The following CCDC88C variants were observed in gnomAD, a reference collection of about 807,000 sequenced individuals.
The protein encoded by CCDC88C is protein Daple.
In CCDC88C, 131 loss-of-function variants were observed where a neutral mutation model predicts 198.8. The observed-to-expected ratio is 0.66, with a 90% CI of 0.57 to 0.76. The LOEUF (loss-of-function observed/expected upper bound fraction) is 0.76. Ranked by LOEUF, CCDC88C falls within the 30% of genes least tolerant of loss-of-function variation. The pLI is 0.00. For missense variants in CCDC88C, 2,553 were observed against 2,631.6 expected (o/e 0.97, Z 0.65); for synonymous variants, 1,166 against 1,114.7 (o/e 1.05, Z -0.92).
chr14:91,362,816 C>T (rs1894369665), intron 3 of CCDC88C, among the ~76,000 whole-genome samples: 1 of 151,828 alleles, frequency 6.6e-6, no homozygotes, highest in African/African-American at 2.4e-5. Context: ...GTAGTCCCAG[C>T]TACTCAGGAG....
chr14:91,357,935 C>T (rs1461088397), intron 4 of CCDC88C, among the ~76,000 whole-genome samples: 2 of 152,208 alleles, frequency 1.3e-5, no homozygotes, highest in East Asian at 1.9e-4. Context: ...TGGGGGAGGG[C>T]GCTTGCTGCC....
At chr14:91,396,818 G>A (rs1885871054) in intron 3 of CCDC88C, among the ~76,000 whole-genome samples, 2 of 152,054 alleles carry the variant, frequency 1.3e-5, no homozygotes, top group South Asian at 2.1e-4. Context: ...AACACAGGGA[G>A]ACTCTGTCTC....
chr14:91,297,949 T>G (rs1891086798), intron 21 of CCDC88C, among the ~76,000 whole-genome samples: 1 of 152,224 alleles, frequency 6.6e-6, no homozygotes, highest in South Asian at 2.1e-4. Flanking sequence ...CCCTTTCTAA[T>G]TTCAGCTCGT....
At chr14:91,406,602 T>C (rs192556655) in intron 3 of CCDC88C, among the ~76,000 whole-genome samples, 133 of 152,366 alleles carry the variant, frequency 8.7e-4, no homozygotes, top group Non-Finnish European at 1.3e-3. Context: ...TCTTGAACTT[T>C]CAGCACTATG....
At chr14:91,368,923 G>C (rs141226442) in intron 3 of CCDC88C, among the ~76,000 whole-genome samples, 2 of 152,152 alleles carry the variant, frequency 1.3e-5, no homozygotes, top group African/African-American at 4.8e-5. Context: ...CTCAGGCCCC[G>C]TTACCAGAAA....
chr14:91,356,815 T>C (rs573463140), intron 4 of CCDC88C, among the ~76,000 whole-genome samples: 1 of 151,962 alleles, frequency 6.6e-6, no homozygotes, highest in South Asian at 2.1e-4. Context: ...AGGTGCCTGA[T>C]GGTAGTGGGG....
chr14:91,325,072 C>A lies in CCDC88C; in HGVS notation c.1198-149G>T, dbSNP rs1596072581. The A allele has an allele frequency of 7.6e-6, 8 of 1,050,512 alleles. No individual in the cohort carries two copies. Among genetic ancestry groups the A allele is most frequent in the South Asian group, 4.6e-5 (3 of 65,218 alleles). 65.1% of individuals were successfully genotyped at this position (1,050,512 alleles called of 1,614,324 possible). On this transcript the variant is annotated intron_variant, in intron 11 of 29. Coordinates refer to ENST00000389857, the MANE Select transcript of CCDC88C (RefSeq NM_001080414.4). This position sits in a 1 kb window ranked among gnomAD's most constrained non-coding sequence, Gnocchi z 4.1. ...ATAAACAGAGCTGCACAGAAACATC[C>A]CAACACAGGGCCCTGCTATGAGAGG...
chr14:91,293,567 GGCCCACCTTCCTGTCCCCTCGCC>G (rs1890854082), intron 23 of CCDC88C, among the ~76,000 whole-genome samples: 3 of 16,112 alleles, frequency 1.9e-4, no homozygotes, highest in South Asian at 2.1e-3. Context: ...CGCCTGCCAC[GGCCCACCTTCCTGTCCCCTCGCC>G]TGCCATGGCC....
At chr14:91,293,757 G>T (rs935528726) in intron 23 of CCDC88C, among the ~76,000 whole-genome samples, 10 of 152,112 alleles carry the variant, frequency 6.6e-5, no homozygotes, top group Admixed American at 6.5e-5. Flanking sequence ...TGGCTACCAG[G>T]GAACTGGTTC....
chr14:91,392,404 G>A (rs1885560277), intron 3 of CCDC88C, among the ~76,000 whole-genome samples: 1 of 152,122 alleles, frequency 6.6e-6, no homozygotes, highest in Non-Finnish European at 1.5e-5. Flanking sequence ...AGCAGGGAAG[G>A]ACACCTTAAT....
At chr14:91,412,103 C>T (rs1191820419) in intron 2 of CCDC88C, among the ~76,000 whole-genome samples, 1 of 152,014 alleles carries the variant, frequency 6.6e-6, no homozygotes, top group Admixed American at 6.6e-5. Context: ...CCAAAAACTT[C>T]CTAAATTTAA....
intron 21 of CCDC88C, among the ~76,000 whole-genome samples, chr14:91,299,034 G>A (rs980360606): frequency 1.3e-5 from 2 of 152,170 alleles, no homozygotes; most frequent in African/African-American, 4.8e-5. Flanking sequence ...ATTCTATAAA[G>A]TTGCTGTAAA....
intron 13 of CCDC88C, among the ~76,000 whole-genome samples, chr14:91,317,368 C>T (rs1892146873): frequency 6.6e-6 from 1 of 152,184 alleles, no homozygotes; most frequent in African/African-American, 2.4e-5. Flanking sequence ...GGCTTGCTTA[C>T]TGACTAGGAA....
chr14:91,320,466 C>A (rs1465077903), intron 13 of CCDC88C, among the ~76,000 whole-genome samples: 5 of 152,214 alleles, frequency 3.3e-5, no homozygotes, highest in Non-Finnish European at 7.3e-5. Context: ...ATCTGTTCTG[C>A]CTGTGCGTTG....
At chr14:91,317,092 T>TA (rs1892137385) in intron 13 of CCDC88C, among the ~76,000 whole-genome samples, 1 of 152,238 alleles carries the variant, frequency 6.6e-6, no homozygotes, top group Non-Finnish European at 1.5e-5. Context: ...CCTCTTCCTC[T>TA]AAAAATAAGG....
chr14:91,358,232 A>G (rs1894131973), intron 4 of CCDC88C, among the ~76,000 whole-genome samples: 1 of 152,236 alleles, frequency 6.6e-6, no homozygotes, highest in African/African-American at 2.4e-5. Context: ...TCTCAAGGCC[A>G]CTAGCTACTG....
intron 3 of CCDC88C, among the ~76,000 whole-genome samples, chr14:91,372,507 T>C (rs1439774611): frequency 1.6e-5 from 1 of 62,632 alleles, no homozygotes; most frequent in South Asian, 5.6e-4. Context: ...GCAGGTGACA[T>C]CCAGGTAGAT....
In CCDC88C at chr14:91,394,957, C is replaced by T. The variant is rs147677064; in HGVS notation, c.270+13702G>A. The stretch of plus-strand genomic sequence containing the variant: ...GCCTGCCTGCCACCCCTCTGCCAGA[C>T]GGGTGGGCATCCTCCCCTCCCACCC... On this transcript the variant is annotated intron_variant, in intron 3 of 29. Transcript: ENST00000389857. Among the ~76,000 whole-genome samples, 83 of 152,272 alleles carry T rather than the reference C, an allele frequency of 5.5e-4. No individual in the cohort carries two copies. In the East Asian group the frequency reaches 9.1e-3, roughly 17 times the overall value.
rs1887085663 is a variant in CCDC88C at position 91,416,844 on chromosome 14, G to A, written c.61-6C>T. 6.2e-7 allele frequency: 1 copy of A among 1,605,452 alleles called. No homozygotes were observed. Among genetic ancestry groups the A allele is most frequent in the African/African-American group, 1.3e-5 (1 of 74,784 alleles). On this transcript the variant is annotated splice_region_variant and splice_polypyrimidine_tract_variant and intron_variant, in intron 1 of 29. Coordinates refer to ENST00000389857, the MANE Select transcript of CCDC88C (RefSeq NM_001080414.4). ...AACGGGCCAAAAGTTTTCACCTGCG[G>A]GGAGGGGGACGAGGAGAGAAAGACA...
Sources: allele counts gnomAD v4.1 joint callset (sites outside exome capture counted in the v4.1 genomes callset), GRCh38; gene constraint gnomAD v4.1.1; non-coding constraint Gnocchi (gnomAD v3.1); transcripts MANE v1.5; gene names NCBI Gene and HGNC (gene_info 2026-07-23, HGNC 2026-07-21).